The following GPR158 variants were observed in gnomAD, a reference collection of about 807,000 sequenced individuals.
The protein encoded by GPR158 is G protein-coupled receptor 158, also known as metabotropic glycine receptor.
In GPR158, 30 loss-of-function variants were observed where a neutral mutation model predicts 78.2. The ratio of observed to expected loss-of-function variants is 0.38; its 90% CI spans 0.29 to 0.52. GPR158 has a LOEUF of 0.52. Among genes scored for constraint, GPR158 ranks in the 20% least tolerant of loss-of-function variants. The pLI, the probability that GPR158 is intolerant of heterozygous loss-of-function variation, is 0.83. For missense variants in GPR158, 1,463 were observed against 1,523.5 expected (o/e 0.96, Z 0.66); for synonymous variants, 581 against 591.1 (o/e 0.98, Z 0.25).
chr10:25,348,288 T>C (rs182736761), intron 2 of GPR158, among the ~76,000 whole-genome samples: 49 of 151,920 alleles, frequency 3.2e-4, no homozygotes, highest in African/African-American at 1.2e-3. Flanking sequence ...CTTTTCTAAA[T>C]TCTTTTTAAT....
At position 25,516,346 on chromosome 10, in the gene GPR158, T is replaced by G. The variant is rs558169710; in HGVS notation, c.1405-34630T>G. Among the ~76,000 whole-genome samples, 15 of 151,232 alleles carry G rather than the reference T, an allele frequency of 9.9e-5. No homozygotes were observed. The East Asian group carries it at 2.9e-3, about 29-fold the overall frequency. Reference sequence around the variant, plus strand: ...GCCTGTTCACTCTGATGGTAGTTTCTTTGGCTGTGCAGAAGCTCTTTAGTT... The same window carrying G: ...GCCTGTTCACTCTGATGGTAGTTTCGTTGGCTGTGCAGAAGCTCTTTAGTT... On this transcript the variant is annotated intron_variant, in intron 5 of 10. Transcript: ENST00000376351.
chr10:25,328,250 C>T (rs1229301959), intron 2 of GPR158, among the ~76,000 whole-genome samples: 1 of 152,028 alleles, frequency 6.6e-6, no homozygotes, highest in East Asian at 1.9e-4. Context: ...ATCCTAGAAC[C>T]CATCTGTGGC....
intron 5 of GPR158, among the ~76,000 whole-genome samples, chr10:25,477,510 T>C (rs961816442): frequency 6.6e-6 from 1 of 152,108 alleles, no homozygotes; most frequent in African/African-American, 2.4e-5. Context: ...GCCCTGGTTC[T>C]TTTTAGGGCA....
chr10:25,201,755 T>C (rs553941933), intron 1 of GPR158, among the ~76,000 whole-genome samples: 1 of 152,324 alleles, frequency 6.6e-6, no homozygotes, highest in Non-Finnish European at 1.5e-5. Flanking sequence ...TTTTTAATTC[T>C]GTTTATATGG....
intron 4 of GPR158, among the ~76,000 whole-genome samples, chr10:25,442,983 T>G (rs1336401176): frequency 6.6e-6 from 1 of 152,206 alleles, no homozygotes; most frequent in Non-Finnish European, 1.5e-5. Flanking sequence ...TTCACTGCTA[T>G]AGGATACAGA....
chr10:25,456,479 G>A (rs1344375514), intron 4 of GPR158, among the ~76,000 whole-genome samples: 3 of 152,058 alleles, frequency 2.0e-5, no homozygotes, highest in African/African-American at 2.4e-5. Flanking sequence ...TTCCTATTAC[G>A]ACATTTTTCT....
intron 4 of GPR158, among the ~76,000 whole-genome samples, chr10:25,424,579 T>A (rs1361681524): frequency 1.3e-5 from 2 of 151,734 alleles, no homozygotes; most frequent in Non-Finnish European, 2.9e-5. Context: ...AAGGAAGGGA[T>A]CCAGTTTCAG....
intron 4 of GPR158, among the ~76,000 whole-genome samples, chr10:25,416,227 A>G (rs1249831715): frequency 1.3e-5 from 2 of 152,140 alleles, no homozygotes; most frequent in Non-Finnish European, 1.5e-5. Context: ...TGACATTTAA[A>G]GTAGTTTGAA....
intron 1 of GPR158, among the ~76,000 whole-genome samples, chr10:25,199,313 A>C (rs1339997): frequency 0.042 from 6,370 of 151,898 alleles, 470 homozygotes; most frequent in African/African-American, 0.15. Context: ...TCTCCCTTCT[A>C]CTCATCACTC....
In GPR158 at chr10:25,209,348, A is replaced by G. The variant is rs148109610; in HGVS notation, c.903-11704A>G. 2.5e-3 allele frequency among the ~76,000 whole-genome samples: 380 copies of G among 152,310 alleles called. 6 individuals are homozygous for G. The highest frequency in any genetic ancestry group is 3.9e-3 in the East Asian group (20 of 5,184). On this transcript the variant is annotated intron_variant, in intron 1 of 10. Coordinates refer to ENST00000376351, the MANE Select transcript of GPR158 (RefSeq NM_020752.3). The stretch of plus-strand genomic sequence containing the variant: ...TTGCCTATTCTTGAATACCCTCATC[A>G]TGGCACAATGCCACATTAGAGGGCT...
intron 2 of GPR158, among the ~76,000 whole-genome samples, chr10:25,359,606 G>A (rs34476676): frequency 0.1 from 15,189 of 152,068 alleles, 1,882 homozygotes; most frequent in African/African-American, 0.3. Context: ...TTTTATGGCC[G>A]CACAGTATTT....
At chr10:25,433,690 C>CT (rs776105443) in intron 4 of GPR158, among the ~76,000 whole-genome samples, 10,284 of 93,440 alleles carry the variant, frequency 0.11, 698 homozygotes, top group South Asian at 0.24. Flanking sequence ...TTCTTTCTTT[C>CT]TTTCTTTTTT....
intron 2 of GPR158, among the ~76,000 whole-genome samples, chr10:25,379,283 G>C (rs190350577): frequency 1.3e-5 from 2 of 152,240 alleles, no homozygotes; most frequent in East Asian, 3.9e-4. Flanking sequence ...GTCAGGCATC[G>C]TGTTGTTACA....
rs531146552 is a variant in GPR158 at position 25,497,880 on chromosome 10, G to A, written c.1404+31161G>A. Among the ~76,000 whole-genome samples, 4 of 152,252 alleles carry A rather than the reference G, an allele frequency of 2.6e-5. No individual in the cohort carries two copies. In the South Asian group the frequency reaches 8.3e-4, roughly 32 times the overall value. ...TATTTCCTCTTAAATATGTCATCAA[G>A]ACACATCCATTTTAATATTATCAGT... On this transcript the variant is annotated intron_variant, in intron 5 of 10. Transcript: ENST00000376351.
At chr10:25,422,434 A>C (rs920816137) in intron 4 of GPR158, among the ~76,000 whole-genome samples, 1 of 152,066 alleles carries the variant, frequency 6.6e-6, no homozygotes, top group Non-Finnish European at 1.5e-5. Context: ...TCTGAGGTGG[A>C]AAAGTTTCCT....
rs34088676 is a variant in GPR158, at chr10:25,348,396, G to GACACACAC, written c.1009-47482_1009-47475dup. Among the ~76,000 whole-genome samples the GACACACAC allele has an allele frequency of 6.0e-3, 857 of 141,766 alleles. 3 individuals carry two copies. Among genetic ancestry groups the GACACACAC allele is most frequent in the African/African-American group, 0.016 (626 of 38,852 alleles). The allele number at this position is 141,766 out of a possible 152,430, so 93.0% of individuals were successfully genotyped here. On this transcript the variant is annotated intron_variant, in intron 2 of 10. Transcript: ENST00000376351. Reference sequence around the variant, plus strand: ...CCAGAAATGAAATTTTAGGAAGAAAGACACACACACACACACACACACACA... The same window carrying GACACACAC: ...CCAGAAATGAAATTTTAGGAAGAAAGACACACACACACACACACACACACACACACACA...
At chr10:25,331,233 C>T (rs1855116265) in intron 2 of GPR158, among the ~76,000 whole-genome samples, 1 of 152,202 alleles carries the variant, frequency 6.6e-6, no homozygotes, top group Admixed American at 6.5e-5. Flanking sequence ...AACCACTGTG[C>T]TCAGTCTAAT....
chr10:25,412,341 C>G lies in GPR158; in HGVS notation c.1203C>G (p.Phe401Leu). ...VCLPCREGCPFCADDSPCFVQ... is the reference protein window; with the variant it reads ...VCLPCREGCPLCADDSPCFVQ... ...TACCTTGCAGGGAGGGCTGCCCCTT[C>G]TGTGCTGATGACAGCCCATGCTTCG... The change falls in exon 4 of 11, where the codon TTC (phenylalanine) becomes TTG (leucine). Residue 401 changes from phenylalanine (F) to leucine (L), a missense_variant. Phe to Leu is a conservative substitution (Grantham distance 22). Coordinates refer to ENST00000376351, the MANE Select transcript of GPR158 (RefSeq NM_020752.3). The G allele has an allele frequency of 1.2e-6, 2 of 1,613,600 alleles. No individual in the cohort carries two copies. Among genetic ancestry groups the G allele is most frequent in the Non-Finnish European group, 1.7e-6 (2 of 1,179,438 alleles).
intron 2 of GPR158, among the ~76,000 whole-genome samples, chr10:25,363,041 C>T (rs948320509): frequency 6.6e-6 from 1 of 151,626 alleles, no homozygotes; most frequent in Non-Finnish European, 1.5e-5. Flanking sequence ...CTACCTCTTC[C>T]ATTTGATTGT....
Sources: allele counts gnomAD v4.1 joint callset (sites outside exome capture counted in the v4.1 genomes callset), GRCh38; gene constraint gnomAD v4.1.1; transcripts MANE v1.5; gene names NCBI Gene and HGNC (gene_info 2026-07-23, HGNC 2026-07-21).